ASAP1: variants seen among roughly 807,000 people sequenced by gnomAD.
ASAP1 encodes the protein ArfGAP with SH3 domain, ankyrin repeat and PH domain 1.
ASAP1 carries 43 observed loss-of-function variants against 145.2 expected under a neutral mutation model. That is an observed-to-expected ratio of 0.30 (90% CI 0.23 to 0.38). The LOEUF (loss-of-function observed/expected upper bound fraction) is 0.38. ASAP1 is among the 10% of genes least tolerant of loss of function. The probability of loss-of-function intolerance (pLI) is 1.00; values close to 1 mark genes in which losing one functional copy is unlikely to be tolerated. For missense variants in ASAP1, 1,018 were observed against 1,355.3 expected (o/e 0.75, Z 3.91); for synonymous variants, 546 against 515.5 (o/e 1.06, Z -0.80).
At chr8:130,056,716 C>A (rs1358667067) in intron 29 of ASAP1, among the ~76,000 whole-genome samples, 1 of 152,196 alleles carries the variant, frequency 6.6e-6, no homozygotes, top group Non-Finnish European at 1.5e-5. Flanking sequence ...TCTGGGTATT[C>A]TTAGGTACTG....
At position 130,208,597 on chromosome 8, in the gene ASAP1, G is replaced by A. The variant is rs539980613; in HGVS notation, c.405+5959C>T. On this transcript the variant is annotated intron_variant, in intron 5 of 29. Transcript: ENST00000518721. ...AAAAGCTTACAGGGGTATAAAGAACGTGGATGTAAAAGACAAAAGATCTTG... is the reference window on the plus strand; with the variant it reads ...AAAAGCTTACAGGGGTATAAAGAACATGGATGTAAAAGACAAAAGATCTTG... 11 of 152,078 alleles carry A rather than the reference G, an allele frequency of 7.2e-5. No homozygotes were observed. The South Asian group carries it at 1.5e-3, about 20-fold the overall frequency. 9.4% of individuals were successfully genotyped at this position (152,078 alleles called of 1,614,324 possible).
At chr8:130,095,530 A>T (rs1476599968) in intron 24 of ASAP1, among the ~76,000 whole-genome samples, 1 of 151,428 alleles carries the variant, frequency 6.6e-6, no homozygotes, top group African/African-American at 2.4e-5. Flanking sequence ...TGAACTCCCA[A>T]CCTCAAGTGA....
At chr8:130,284,899 G>A (rs1472812966) in intron 3 of ASAP1, among the ~76,000 whole-genome samples, 1 of 150,506 alleles carries the variant, frequency 6.6e-6, no homozygotes, top group Non-Finnish European at 1.5e-5. Flanking sequence ...GAGAGAGAGA[G>A]AAAGAGAGAG....
At chr8:130,092,430 C>T (rs1326980807) in intron 24 of ASAP1, among the ~76,000 whole-genome samples, 1 of 151,946 alleles carries the variant, frequency 6.6e-6, no homozygotes, top group African/African-American at 2.4e-5. Flanking sequence ...AGTTTGAGAC[C>T]AGCCTGGGTA....
intron 5 of ASAP1, among the ~76,000 whole-genome samples, chr8:130,212,075 C>T (rs1323101440): frequency 1.3e-5 from 2 of 152,208 alleles, no homozygotes; most frequent in African/African-American, 4.8e-5. Flanking sequence ...CCCTATCAAT[C>T]TGTCTAGTTT....
At chr8:130,292,373 T>C (rs1183496221) in intron 3 of ASAP1, among the ~76,000 whole-genome samples, 1 of 152,082 alleles carries the variant, frequency 6.6e-6, no homozygotes, top group Admixed American at 6.5e-5. Context: ...GAAGTATGAA[T>C]AAAATATGAA....
intron 27 of ASAP1, among the ~76,000 whole-genome samples, chr8:130,070,856 AGGG>A (rs2097442356): frequency 3.2e-4 from 1 of 3,156 alleles, no homozygotes; most frequent in African/African-American, 2.2e-3. Flanking sequence ...AGGGAGAGAG[AGGG>A]AGAGAGGGAG....
In ASAP1 at chr8:130,375,211, G is replaced by A. The variant is rs533054395; in HGVS notation, c.60-17068C>T. ...TATGGTTATTGTCTTGTGCTTAGTC[G>A]CAGGGCTCTAAACCCTTGGATCCCC... On this transcript the variant is annotated intron_variant, in intron 2 of 29. Transcript: ENST00000518721. Among the ~76,000 whole-genome samples, 4 of 152,190 alleles carry A rather than the reference G, an allele frequency of 2.6e-5. No homozygotes were observed. The East Asian group carries it at 5.8e-4, about 22-fold the overall frequency.
intron 3 of ASAP1, among the ~76,000 whole-genome samples, chr8:130,341,279 C>T (rs1825365274): frequency 6.6e-6 from 1 of 152,144 alleles, no homozygotes; most frequent in Non-Finnish European, 1.5e-5. Flanking sequence ...TGTCAAACTC[C>T]TATCCATGAC....
At chr8:130,258,279 C>G (rs1392965031) in intron 3 of ASAP1, among the ~76,000 whole-genome samples, 2 of 152,222 alleles carry the variant, frequency 1.3e-5, no homozygotes. Context: ...TCCAAGAATT[C>G]TGCACGTGAC....
chr8:130,425,908 G>C (rs1158791037), intron 1 of ASAP1, among the ~76,000 whole-genome samples: 1 of 152,184 alleles, frequency 6.6e-6, no homozygotes, highest in Non-Finnish European at 1.5e-5. Context: ...AGTTGAGGGA[G>C]GAAGAAGAAA....
intron 25 of ASAP1, chr8:130,084,621 C>G (rs1411697472): frequency 1.3e-5 from 2 of 152,172 alleles, no homozygotes; most frequent in African/African-American, 2.4e-5. Context: ...AATTACTATA[C>G]AGGCCTTGGA....
intron 7 of ASAP1, among the ~76,000 whole-genome samples, chr8:130,182,845 A>C (rs985551259): frequency 1.1e-4 from 16 of 151,030 alleles, no homozygotes; most frequent in African/African-American, 2.9e-4. Context: ...AAAAAAAAAA[A>C]AAAAACCCAA....
intron 3 of ASAP1, among the ~76,000 whole-genome samples, chr8:130,331,621 A>G (rs1423604050): frequency 6.6e-6 from 1 of 152,164 alleles, no homozygotes; most frequent in Non-Finnish European, 1.5e-5. Context: ...CACCCACATC[A>G]GGTTATCATG....
chr8:130,125,062 C>G (rs1334476952), intron 17 of ASAP1, among the ~76,000 whole-genome samples: 1 of 152,214 alleles, frequency 6.6e-6, no homozygotes, highest in Non-Finnish European at 1.5e-5. Context: ...GGGTCACTAA[C>G]TGCCCTTTTT....
chr8:130,402,060 T>C lies in ASAP1; in HGVS notation c.-27-90A>G, dbSNP rs537462035. 7 of 806,804 alleles carry C rather than the reference T, an allele frequency of 8.7e-6. No individual in the cohort carries two copies. The African/African-American group carries it at 1.0e-4, about 12-fold the overall frequency. 50.0% of individuals were successfully genotyped at this position (806,804 alleles called of 1,614,324 possible). A position where few individuals can be genotyped will look rare whatever the true frequency, so the allele number is the denominator to read the frequency against. ...TCTCAGACCAAGATCGGATTTCATA[T>C]GGAGGCTGCACCTTTGTCAGGAATG... On this transcript the variant is annotated intron_variant, in intron 1 of 29. Coordinates refer to ENST00000518721, the MANE Select transcript of ASAP1 (RefSeq NM_018482.4).
rs2097398904 is a variant in ASAP1, at chr8:130,054,295, C to G, written c.*436G>C. On this transcript the variant is annotated 3_prime_UTR_variant, in exon 30 of 30. Transcript: ENST00000518721. ...TCTGTCATGGAGCTAAAAGTTTCACCTGGAAAACAGAACCCACCTCTTTGC... is the reference window on the plus strand; with the variant it reads ...TCTGTCATGGAGCTAAAAGTTTCACGTGGAAAACAGAACCCACCTCTTTGC... The G allele has an allele frequency of 6.0e-6, 1 of 166,890 alleles. No individual in the cohort carries two copies. Among genetic ancestry groups the G allele is most frequent in the Non-Finnish European group, 1.3e-5 (1 of 75,768 alleles). The allele number at this position is 166,890 out of a possible 1,614,324, so 10.3% of individuals were successfully genotyped here.
intron 9 of ASAP1, among the ~76,000 whole-genome samples, chr8:130,173,432 T>C (rs1210016500): frequency 1.3e-5 from 2 of 152,138 alleles, no homozygotes; most frequent in African/African-American, 4.8e-5. Context: ...CTGTTCCTCC[T>C]TTCTCTCTTC....
intron 3 of ASAP1, among the ~76,000 whole-genome samples, chr8:130,353,421 C>T (rs893040402): frequency 6.6e-6 from 1 of 152,164 alleles, no homozygotes. Context: ...CATGAAGAAA[C>T]ACTAAGCCTC....
Sources: gnomAD v4.1 joint callset for allele counts (sites outside exome capture counted in the v4.1 genomes callset) on GRCh38, gnomAD v4.1.1 for gene constraint, MANE v1.5 for transcripts, NCBI Gene and HGNC (gene_info 2026-07-23, HGNC 2026-07-21) for gene names.